Variants in BIRC6 observed in about 807,000 individuals in gnomAD.
The protein encoded by BIRC6 is baculoviral IAP repeat containing 6, also known as dual E2 ubiquitin-conjugating enzyme/E3 ubiquitin-protein ligase BIRC6.
In BIRC6, 98 loss-of-function variants were observed where a neutral mutation model predicts 503.3. The ratio of observed to expected loss-of-function variants is 0.19; its 90% CI spans 0.17 to 0.23. The LOEUF is 0.23. BIRC6 is among the 10% of genes least tolerant of loss of function. The probability of loss-of-function intolerance (pLI) is 1.00; values close to 1 mark genes in which losing one functional copy is unlikely to be tolerated. For missense variants in BIRC6, 5,360 were observed against 5,806.0 expected, an observed-to-expected ratio of 0.92 and a Z score of 2.50; for synonymous variants, 2,240 against 2,078.7, an observed-to-expected ratio of 1.08 and a Z score of -2.11.
chr2:32,618,066 C>T lies in BIRC6; in HGVS notation c.*162C>T. On this transcript the variant is annotated 3_prime_UTR_variant, in exon 74 of 74. Transcript: ENST00000421745. ...TAATTCAAGGTGATCTTTTATTTAC[C>T]TGTACAGGAGTGTAAACTTTTTTGT... 1 of 723,754 alleles carries T rather than the reference C, an allele frequency of 1.4e-6. No individual in the cohort carries two copies. Among genetic ancestry groups the T allele is most frequent in the Non-Finnish European group, 2.1e-6 (1 of 467,466 alleles). The allele number at this position is 723,754 out of a possible 1,614,324, so 44.8% of individuals were successfully genotyped here.
In BIRC6 at chr2:32,482,549, G is replaced by A. The variant is rs548738385; in HGVS notation, c.7663G>A (p.Gly2555Arg). The change falls in exon 39 of 74, where the codon GGA becomes AGA. Residue 2555 changes from glycine (G) to arginine (R), a missense_variant. By Grantham distance (125) the Gly-to-Arg change is moderately radical. Transcript: ENST00000421745. ...GCCACCAGCAAACACGGAGAAGAACGGATCACAGACAGTTAGCGTTTCAGT... is the reference window on the plus strand; with the variant it reads ...GCCACCAGCAAACACGGAGAAGAACAGATCACAGACAGTTAGCGTTTCAGT... Reference protein sequence around the residue: ...AKPPANTEKNGSQTVSVSVSQ... With the variant: ...AKPPANTEKNRSQTVSVSVSQ... 3.7e-6 allele frequency: 6 copies of A among 1,613,886 alleles called. No individual in the cohort carries two copies. The highest frequency in any genetic ancestry group is 1.1e-5 in the South Asian group (1 of 91,084).
rs188810695 is a variant in BIRC6 at position 32,585,502 on chromosome 2, C to T, written c.13356-8413C>T. Among the ~76,000 whole-genome samples the T allele has an allele frequency of 5.4e-3, 819 of 152,116 alleles. 7 individuals are homozygous for T. Among genetic ancestry groups the T allele is most frequent in the Non-Finnish European group, 9.3e-3 (633 of 67,978 alleles). ...TCAAGTGATTCTTCTGCCTCAGCCT[C>T]CTGAGTAGCTGGGACTACAGGCGCG... On this transcript the variant is annotated intron_variant, in intron 66 of 73. Transcript: ENST00000421745.
intron 20 of BIRC6, 82 bp downstream of exon 20, chr2:32,443,670 C>G: frequency 1.8e-6 from 2 of 1,097,550 alleles, no homozygotes; most frequent in Admixed American, 2.7e-5. Flanking sequence ...TTCATAACTA[C>G]TTTTTCTCTA....
intron 1 of BIRC6, among the ~76,000 whole-genome samples, chr2:32,369,001 A>G (rs2035388364): frequency 6.6e-6 from 1 of 152,180 alleles, no homozygotes; most frequent in Non-Finnish European, 1.5e-5. Flanking sequence ...CATAAGGAAA[A>G]TTACAGCTGA....
At position 32,580,539 on chromosome 2, in the gene BIRC6, G is replaced by T. The variant is rs1021939756; in HGVS notation, c.13355+5173G>T. Among the ~76,000 whole-genome samples the T allele has an allele frequency of 3.3e-5, 5 of 152,082 alleles. No homozygotes were observed. In the South Asian group the frequency reaches 6.2e-4, roughly 19 times the overall value. ...AGATGAGCCTGGAGAGGAAATCAGG[G>T]GCTAGAAGATAAACAGGAATATATC... On this transcript the variant is annotated intron_variant, in intron 66 of 73. Coordinates refer to ENST00000421745, the MANE Select transcript of BIRC6 (RefSeq NM_016252.4).
Position 32,469,462 on chromosome 2 carries a change from C to T in BIRC6, c.6195C>T (p.His2065=), listed in dbSNP as rs770653985. 5.6e-6 allele frequency: 9 copies of T among 1,613,786 alleles called. No homozygotes were observed. Among genetic ancestry groups the T allele is most frequent in the Middle Eastern group, 1.6e-4 (1 of 6,084 alleles). Reference sequence around the variant, plus strand: ...AGGCCTGTGAAGAGCTCTTTAAACACTTGTGCATCAGTGGAACCCCAAAGA... The same window carrying T: ...AGGCCTGTGAAGAGCTCTTTAAACATTTGTGCATCAGTGGAACCCCAAAGA... The part of the protein sequence containing the change: ...HAQACEELFK[H]LCISGTPKIR... The change falls in exon 30 of 74, where the codon CAC becomes CAT. Residue 2065 remains histidine, a synonymous_variant. Transcript: ENST00000421745.
intron 65 of BIRC6, among the ~76,000 whole-genome samples, chr2:32,560,866 A>G (rs1193957328): frequency 6.7e-6 from 1 of 148,978 alleles, no homozygotes; most frequent in Non-Finnish European, 1.5e-5. Context: ...ACTGTGCCCG[A>G]CTTTTTTTTT....
Position 32,485,698 on chromosome 2 carries a change from A to G in BIRC6, c.7752A>G (p.Lys2584=), listed in dbSNP as rs1325957204. The G allele has an allele frequency of 3.1e-6, 5 of 1,613,792 alleles. No homozygotes were observed. The change falls in exon 40 of 74, where the codon AAA becomes AAG. Residue 2584 remains lysine, a synonymous_variant. Coordinates refer to ENST00000421745, the MANE Select transcript of BIRC6 (RefSeq NM_016252.4). ...GLEQQAELML[K]MMSTLEADSI... is the part of the protein sequence containing the mutation. ...AACAGCAAGCAGAACTGATGTTGAA[A>G]ATGATGTCTACTCTGGAGGCAGATT...
At chr2:32,563,367 A>C (rs1181602775) in intron 65 of BIRC6, 2 of 152,106 alleles carry the variant, frequency 1.3e-5, no homozygotes, top group Non-Finnish European at 2.9e-5. Context: ...ATGTAGCTAA[A>C]ATGGGGGGGC....
At chr2:32,549,227 T>A in intron 64 of BIRC6, 86 bp from the exon 65 acceptor site, 1 of 900,364 alleles carries the variant, frequency 1.1e-6, no homozygotes, top group Non-Finnish European at 1.6e-6. Context: ...TATGTACTCT[T>A]AGTATTCAGA....
intron 3 of BIRC6, among the ~76,000 whole-genome samples, chr2:32,384,761 C>G (rs148716025): frequency 6.6e-6 from 1 of 152,152 alleles, no homozygotes; most frequent in African/African-American, 2.4e-5. Context: ...TATCTGTTGC[C>G]ATGGTATTTT....
intron 66 of BIRC6, among the ~76,000 whole-genome samples, chr2:32,575,718 T>C (rs113773402): frequency 0.071 from 10,689 of 150,960 alleles, 505 homozygotes; most frequent in Middle Eastern, 0.11. Context: ...TGAGCCGAGA[T>C]CACGCCACTG....
intron 37 of BIRC6, 87 bp downstream of exon 37, chr2:32,479,704 T>C: frequency 2.5e-6 from 3 of 1,219,750 alleles, no homozygotes; most frequent in Non-Finnish European, 3.4e-6. Flanking sequence ...ATAAAGTTGA[T>C]TTTTATATTT....
chr2:32,458,663 T>C (rs1206378819), intron 23 of BIRC6, among the ~76,000 whole-genome samples: 1 of 151,300 alleles, frequency 6.6e-6, no homozygotes, highest in Non-Finnish European at 1.5e-5. Context: ...TTATTTGGCC[T>C]TTTGTTAATA....
At chr2:32,516,158 T>TC (rs1241249893) in intron 55 of BIRC6, among the ~76,000 whole-genome samples, 1 of 152,248 alleles carries the variant, frequency 6.6e-6, no homozygotes, top group African/African-American at 2.4e-5. Flanking sequence ...ATAGTTTGCT[T>TC]CTCTTTACAT....
chr2:32,551,860 A>G (rs1415560191), intron 65 of BIRC6, among the ~76,000 whole-genome samples: 1 of 152,084 alleles, frequency 6.6e-6, no homozygotes, highest in Non-Finnish European at 1.5e-5. Flanking sequence ...ACAGAATGTA[A>G]CCATTTATTT....
At chr2:32,396,632 A>G (rs1269241043) in intron 6 of BIRC6, among the ~76,000 whole-genome samples, 1 of 152,216 alleles carries the variant, frequency 6.6e-6, no homozygotes, top group Non-Finnish European at 1.5e-5. Context: ...TATACATACT[A>G]TATTTTTTTC....
At chr2:32,574,165 T>C (rs1013014103) in intron 65 of BIRC6, among the ~76,000 whole-genome samples, 6 of 150,350 alleles carry the variant, frequency 4.0e-5, no homozygotes, top group Non-Finnish European at 8.9e-5. Context: ...TTTTTCTTTT[T>C]TTTTTTTTTT....
intron 31 of BIRC6, among the ~76,000 whole-genome samples, chr2:32,470,806 G>A (rs2049017813): frequency 6.6e-6 from 1 of 152,112 alleles, no homozygotes; most frequent in African/African-American, 2.4e-5. Flanking sequence ...ATACCTTGAA[G>A]TCTTTGTCTT....
Sources: gnomAD v4.1 joint callset for allele counts (sites outside exome capture counted in the v4.1 genomes callset) on GRCh38, gnomAD v4.1.1 for gene constraint, MANE v1.5 for transcripts, NCBI Gene and HGNC (gene_info 2026-07-23, HGNC 2026-07-21) for gene names.